Variants in PRDM5 observed in about 807,000 individuals in gnomAD.
PRDM5 encodes the protein PR/SET domain 5.
PRDM5 carries 56 observed loss-of-function variants against 81.2 expected under a neutral mutation model. The ratio of observed to expected loss-of-function variants is 0.69; its 90% CI spans 0.56 to 0.86. The LOEUF is 0.86. Among genes scored for constraint, PRDM5 ranks in the 40% least tolerant of loss-of-function variants. The pLI is 0.00. For missense variants in PRDM5, 697 were observed against 770.1 expected, an observed-to-expected ratio of 0.91 and a Z score of 1.12; for synonymous variants, 267 against 256.4, an observed-to-expected ratio of 1.04 and a Z score of -0.39.
At chr4:120,809,978 G>A (rs1301436247) in intron 8 of PRDM5, among the ~76,000 whole-genome samples, 1 of 152,176 alleles carries the variant, frequency 6.6e-6, no homozygotes, top group African/African-American at 2.4e-5. Context: ...AGATGGGACT[G>A]TCTAGCTACA....
chr4:120,805,288 A>G (rs1460178738), intron 8 of PRDM5, among the ~76,000 whole-genome samples: 1 of 152,238 alleles, frequency 6.6e-6, no homozygotes, highest in Non-Finnish European at 1.5e-5. Context: ...AGGAGCTGGT[A>G]CCATTTCTTC....
intron 14 of PRDM5, among the ~76,000 whole-genome samples, chr4:120,742,685 G>A (rs1319194923): frequency 6.6e-6 from 1 of 152,214 alleles, no homozygotes; most frequent in East Asian, 1.9e-4. Flanking sequence ...ATCAGCAATG[G>A]AAGGTGAAAT....
chr4:120,763,324 A>G (rs1234719311), intron 13 of PRDM5, among the ~76,000 whole-genome samples: 1 of 152,196 alleles, frequency 6.6e-6, no homozygotes, highest in African/African-American at 2.4e-5. Context: ...TGCAGAATGA[A>G]AAGAGGTGAG....
chr4:120,741,785 G>A (rs559274706), intron 14 of PRDM5, among the ~76,000 whole-genome samples: 18 of 152,212 alleles, frequency 1.2e-4, no homozygotes, highest in East Asian at 7.8e-4. Flanking sequence ...CCTACCCCAC[G>A]GAGTCTCGCT....
intron 3 of PRDM5, among the ~76,000 whole-genome samples, chr4:120,828,907 T>C (rs996373518): frequency 1.3e-5 from 2 of 152,072 alleles, no homozygotes; most frequent in Non-Finnish European, 2.9e-5. Flanking sequence ...ATCAGTACTC[T>C]TATTTTATCT....
chr4:120,836,290 C>T (rs1009877741), intron 3 of PRDM5, among the ~76,000 whole-genome samples: 17 of 152,044 alleles, frequency 1.1e-4, no homozygotes, highest in African/African-American at 3.9e-4. Flanking sequence ...GGAATATATA[C>T]GTATTGTTTA....
At chr4:120,796,990 T>A (rs1460932744) in intron 10 of PRDM5, among the ~76,000 whole-genome samples, 2 of 152,210 alleles carry the variant, frequency 1.3e-5, no homozygotes, top group Non-Finnish European at 2.9e-5. Context: ...TTCTAAGATG[T>A]TGAATATCTT....
intron 10 of PRDM5, among the ~76,000 whole-genome samples, chr4:120,791,136 G>A (rs1750514115): frequency 6.6e-6 from 1 of 152,102 alleles, no homozygotes; most frequent in Non-Finnish European, 1.5e-5. Context: ...TGGGTAGGAG[G>A]ATCTAAACAT....
At chr4:120,810,892 G>A (rs182651982) in intron 8 of PRDM5, among the ~76,000 whole-genome samples, 2 of 152,194 alleles carry the variant, frequency 1.3e-5, no homozygotes, top group Non-Finnish European at 2.9e-5. Context: ...CACATGGTTG[G>A]AGCTACTGGA....
intron 2 of PRDM5, among the ~76,000 whole-genome samples, chr4:120,867,317 A>G (rs1761298576): frequency 6.6e-6 from 1 of 152,230 alleles, no homozygotes; most frequent in Admixed American, 6.5e-5. Flanking sequence ...TTTTAATACT[A>G]ACTCATATTA....
chr4:120,860,398 T>TA (rs1491303137), intron 2 of PRDM5, among the ~76,000 whole-genome samples: 5 of 149,434 alleles, frequency 3.3e-5, no homozygotes, highest in East Asian at 2.0e-4. Flanking sequence ...TAATTTTTTT[T>TA]AAAAAAATAA....
chr4:120,877,164 A>C (rs1204286975), intron 2 of PRDM5, among the ~76,000 whole-genome samples: 3 of 152,210 alleles, frequency 2.0e-5, no homozygotes, highest in Non-Finnish European at 4.4e-5. Context: ...AGAATCATAA[A>C]CTTAACAAGG....
At chr4:120,899,162 G>A (rs916063665) in intron 2 of PRDM5, among the ~76,000 whole-genome samples, 2 of 152,010 alleles carry the variant, frequency 1.3e-5, no homozygotes, top group South Asian at 4.2e-4. Context: ...TAGTCATTGG[G>A]TCTGATACTT....
chr4:120,799,534 A>T (rs1751816192), intron 9 of PRDM5, 127 bp downstream of exon 9: 6 of 1,393,844 alleles, frequency 4.3e-6, no homozygotes, highest in Non-Finnish European at 5.8e-6. Flanking sequence ...GAATCACATG[A>T]CTACTAAAGG....
At chr4:120,905,889 T>C (rs1561681628) in intron 2 of PRDM5, among the ~76,000 whole-genome samples, 1 of 152,132 alleles carries the variant, frequency 6.6e-6, no homozygotes, top group Non-Finnish European at 1.5e-5. Flanking sequence ...AATGTTTCAG[T>C]CAACAGTGAC....
At chr4:120,875,365 G>A (rs1312193622) in intron 2 of PRDM5, among the ~76,000 whole-genome samples, 1 of 152,020 alleles carries the variant, frequency 6.6e-6, no homozygotes, top group Admixed American at 6.5e-5. Context: ...CTGCCAAGGA[G>A]CCAGCAGCCT....
At chr4:120,774,424 T>G (rs1444259941) in intron 13 of PRDM5, among the ~76,000 whole-genome samples, 1 of 152,222 alleles carries the variant, frequency 6.6e-6, no homozygotes. Context: ...AAGAAAACAC[T>G]GAATTTACAG....
chr4:120,847,770 CT>C (rs1239895131), intron 3 of PRDM5, among the ~76,000 whole-genome samples: 1 of 152,158 alleles, frequency 6.6e-6, no homozygotes, highest in African/African-American at 2.4e-5. Context: ...AAGTCATACT[CT>C]AATAAACGTG....
intron 2 of PRDM5, among the ~76,000 whole-genome samples, chr4:120,872,862 T>TTTC (rs1318632427): frequency 6.6e-6 from 1 of 152,008 alleles, no homozygotes; most frequent in Non-Finnish European, 1.5e-5. Flanking sequence ...GGATATAGAG[T>TTTC]TTCCGATCTG....
Sources: allele counts gnomAD v4.1 joint callset (sites outside exome capture counted in the v4.1 genomes callset), GRCh38; gene constraint gnomAD v4.1.1; transcripts MANE v1.5; gene names NCBI Gene and HGNC (gene_info 2026-07-23, HGNC 2026-07-21).